The following DPF3 variants were observed in gnomAD, a reference collection of about 807,000 sequenced individuals.
The protein encoded by DPF3 is zinc finger protein DPF3.
DPF3 carries 18 observed loss-of-function variants against 56.8 expected under a neutral mutation model. The ratio of observed to expected loss-of-function variants is 0.32; its 90% CI spans 0.22 to 0.47. The LOEUF (loss-of-function observed/expected upper bound fraction) is 0.47, where lower values mean the gene tolerates loss of function less well. DPF3 is among the 20% of genes least tolerant of loss of function. DPF3 has a pLI of 1.00. For missense variants in DPF3, 403 were observed against 488.8 expected (o/e 0.82, Z 1.65); for synonymous variants, 188 against 180.2 (o/e 1.04, Z -0.35).
chr14:72,629,093 G>A lies in DPF3; in HGVS notation c.984+531C>T, dbSNP rs370067944. On this transcript the variant is annotated intron_variant, in intron 9 of 10. Transcript: ENST00000556509. ...CGACTGGATGTTTGATTGTACTAAG[G>A]AATTATTGATTTTTTAGCTATGTAA... 7.2e-5 allele frequency among the ~76,000 whole-genome samples: 11 copies of A among 152,238 alleles called. No individual in the cohort carries two copies. In the East Asian group the frequency reaches 9.6e-4, roughly 13 times the overall value.
intron 1 of DPF3, among the ~76,000 whole-genome samples, chr14:72,889,302 G>A (rs1351313304): frequency 2.6e-5 from 4 of 152,160 alleles, no homozygotes; most frequent in African/African-American, 9.7e-5. Context: ...CATCATAGGT[G>A]TCTCATCAAA....
chr14:72,860,591 G>C (rs1393475466), intron 1 of DPF3, among the ~76,000 whole-genome samples: 1 of 151,642 alleles, frequency 6.6e-6, no homozygotes, highest in Non-Finnish European at 1.5e-5. Flanking sequence ...CTGAGAAAGA[G>C]TCTCACTCTG....
chr14:72,756,884 G>GGAAA (rs1229498877), intron 2 of DPF3, among the ~76,000 whole-genome samples: 2 of 47,818 alleles, frequency 4.2e-5, no homozygotes, highest in African/African-American at 2.3e-4. Context: ...AAGGAAAGAA[G>GGAAA]GAAAGAAAGA....
chr14:72,712,924 C>A (rs915385095), intron 6 of DPF3, among the ~76,000 whole-genome samples: 2 of 152,214 alleles, frequency 1.3e-5, no homozygotes, highest in Non-Finnish European at 2.9e-5. Context: ...AGTAGCAATG[C>A]CCCAGTTCCA....
rs887806919 is a variant in DPF3 at position 72,618,656 on chromosome 14, C to T, written c.*641G>A. On this transcript the variant is annotated 3_prime_UTR_variant, in exon 11 of 11. Transcript: ENST00000556509. ...TCTGCGCGTCTCCCTCCCTCCCCGC[C>T]CCCATCTAGTAACTTTAAGCAGTGG... Among the ~76,000 whole-genome samples the T allele has an allele frequency of 6.6e-6, 1 of 152,194 alleles. No individual in the cohort carries two copies. Among genetic ancestry groups the T allele is most frequent in the African/African-American group, 2.4e-5 (1 of 41,450 alleles).
At chr14:72,732,501 GGTT>G (rs1555501272) in intron 3 of DPF3, among the ~76,000 whole-genome samples, 1 of 152,232 alleles carries the variant, frequency 6.6e-6, no homozygotes, top group East Asian at 1.9e-4. Context: ...GCCTCAGAAA[GGTT>G]GTTCTCTTCA....
At chr14:72,782,156 G>A (rs753605972) in intron 1 of DPF3, among the ~76,000 whole-genome samples, 23 of 151,906 alleles carry the variant, frequency 1.5e-4, no homozygotes, top group Non-Finnish European at 2.8e-4. Context: ...AGGGAATATC[G>A]GTCTGGTATT....
intron 1 of DPF3, among the ~76,000 whole-genome samples, chr14:72,824,551 CTTT>C (rs375498304): frequency 2.1e-5 from 3 of 143,254 alleles, no homozygotes; most frequent in Non-Finnish European, 4.6e-5. Context: ...TTTTCTTTTT[CTTT>C]TTTTTTTTTT....
At chr14:72,884,971 T>TATATATATATATATATATATATATAGA (rs10523148) in intron 1 of DPF3, among the ~76,000 whole-genome samples, 1 of 111,686 alleles carries the variant, frequency 9.0e-6, no homozygotes, top group East Asian at 3.0e-4. Context: ...TATATATATA[T>TATATATATATATATATATATATATAGA]TAGCCGGGCG....
chr14:72,672,869 C>T (rs1001783755), intron 8 of DPF3, among the ~76,000 whole-genome samples: 1 of 152,138 alleles, frequency 6.6e-6, no homozygotes, highest in African/African-American at 2.4e-5. Context: ...GAGATTTCAT[C>T]TGATTGCTTG....
intron 1 of DPF3, among the ~76,000 whole-genome samples, chr14:72,826,432 C>CA (rs1165476764): frequency 2.6e-5 from 4 of 152,268 alleles, no homozygotes; most frequent in African/African-American, 9.6e-5. Flanking sequence ...GCAAGGGATC[C>CA]AGCCCCTAGA....
intron 7 of DPF3, among the ~76,000 whole-genome samples, chr14:72,690,615 G>A (rs566239118): frequency 2.0e-5 from 3 of 148,496 alleles, no homozygotes; most frequent in Non-Finnish European, 3.0e-5. Context: ...CAACATGCAC[G>A]CACACACACA....
intron 3 of DPF3, among the ~76,000 whole-genome samples, chr14:72,733,291 A>G (rs887930981): frequency 2.6e-5 from 4 of 152,144 alleles, no homozygotes; most frequent in African/African-American, 7.2e-5. Flanking sequence ...AACAGGAGAG[A>G]TGAATGGCCT....
chr14:72,767,051 A>T (rs1453879108), intron 2 of DPF3, among the ~76,000 whole-genome samples: 1 of 152,128 alleles, frequency 6.6e-6, no homozygotes, highest in Non-Finnish European at 1.5e-5. Context: ...TCCCACCTCC[A>T]CTCAGCAACA....
chr14:72,668,096 A>G (rs1437844237), intron 8 of DPF3, among the ~76,000 whole-genome samples: 1 of 152,224 alleles, frequency 6.6e-6, no homozygotes, highest in East Asian at 1.9e-4. Context: ...TCACACAAAA[A>G]TGTAGATGAC....
At chr14:72,695,204 T>C (rs983641826) in intron 6 of DPF3, among the ~76,000 whole-genome samples, 6 of 152,196 alleles carry the variant, frequency 3.9e-5, no homozygotes, top group Non-Finnish European at 5.9e-5. Context: ...AAAATGAGGA[T>C]AACAGTACTT....
intron 8 of DPF3, among the ~76,000 whole-genome samples, chr14:72,654,770 T>C (rs1315478578): frequency 6.6e-6 from 1 of 152,220 alleles, no homozygotes; most frequent in East Asian, 1.9e-4. Context: ...GTTTCTTTTA[T>C]GTCTTGCAGA....
intron 6 of DPF3, among the ~76,000 whole-genome samples, chr14:72,705,169 G>A (rs534954815): frequency 1.1e-3 from 172 of 152,200 alleles, no homozygotes; most frequent in African/African-American, 3.6e-3. Flanking sequence ...CTCATCACTC[G>A]CATTACCACC....
chr14:72,689,680 G>A (rs893146182), intron 7 of DPF3, among the ~76,000 whole-genome samples: 3 of 152,184 alleles, frequency 2.0e-5, no homozygotes, highest in African/African-American at 7.2e-5. Context: ...ATAGTCGGGG[G>A]GCTGCTCACC....
Sources: allele counts gnomAD v4.1 joint callset (sites outside exome capture counted in the v4.1 genomes callset), GRCh38; gene constraint gnomAD v4.1.1; transcripts MANE v1.5; gene names NCBI Gene and HGNC (gene_info 2026-07-23, HGNC 2026-07-21).